Variants in NT5C3A observed in about 807,000 individuals in gnomAD.
The protein encoded by NT5C3A is 5'-nucleotidase, cytosolic IIIA.
Under a neutral mutation model 40.0 loss-of-function variants are expected in NT5C3A, and 23 were observed. The ratio of observed to expected loss-of-function variants is 0.58; its 90% CI spans 0.41 to 0.81. The LOEUF is 0.81. NT5C3A is among the 40% of genes least tolerant of loss of function. The pLI is 0.00. For missense variants in NT5C3A, 328 were observed against 403.0 expected (o/e 0.81, Z 1.59); for synonymous variants, 130 against 141.4 (o/e 0.92, Z 0.57).
chr7:33,060,692 G>A (rs1186542607), intron 1 of NT5C3A, among the ~76,000 whole-genome samples: 1 of 152,170 alleles, frequency 6.6e-6, no homozygotes, highest in Admixed American at 6.5e-5. Context: ...AGCTATGTCT[G>A]TTGGACATCA....
At chr7:33,016,054 T>A (rs919224713) in intron 7 of NT5C3A, 184 bp from the exon 8 acceptor site, 9 of 591,106 alleles carry the variant, frequency 1.5e-5, no homozygotes, top group Non-Finnish European at 2.7e-5. Context: ...CTCGGAGAAG[T>A]AAATGATTTT....
chr7:33,030,177 A>G (rs950621675), intron 1 of NT5C3A, among the ~76,000 whole-genome samples: 1 of 152,214 alleles, frequency 6.6e-6, no homozygotes, highest in Admixed American at 6.5e-5. Flanking sequence ...TTTACAATAT[A>G]GCCTAAGAAA....
At chr7:33,016,523 G>C (rs1583889343) in intron 7 of NT5C3A, among the ~76,000 whole-genome samples, 2 of 151,548 alleles carry the variant, frequency 1.3e-5, no homozygotes, top group South Asian at 4.2e-4. Flanking sequence ...ACAAAAATTA[G>C]CTGGGCTTGG....
chr7:33,031,199 C>G (rs564270643), intron 1 of NT5C3A, among the ~76,000 whole-genome samples: 1 of 151,582 alleles, frequency 6.6e-6, no homozygotes, highest in South Asian at 2.1e-4. Context: ...ATATTCCAGA[C>G]TAGGGATAAT....
At chr7:33,029,035 T>C (rs1435729297) in intron 1 of NT5C3A, among the ~76,000 whole-genome samples, 1 of 151,314 alleles carries the variant, frequency 6.6e-6, no homozygotes, top group Non-Finnish European at 1.5e-5. Flanking sequence ...AATGCTAACA[T>C]TAAAATTTTC....
intron 1 of NT5C3A, chr7:33,029,511 A>G (rs568295350): frequency 8.3e-6 from 4 of 481,206 alleles, no homozygotes; most frequent in Admixed American, 7.9e-5. Context: ...AGCAATCAGC[A>G]TATGTTTGAT....
chr7:33,020,289 A>G (rs898460792), intron 5 of NT5C3A, among the ~76,000 whole-genome samples: 2 of 151,998 alleles, frequency 1.3e-5, no homozygotes, highest in African/African-American at 2.4e-5. Context: ...ACAGAAAGAA[A>G]GAAACGAAAA....
intron 6 of NT5C3A, 38 bp downstream of exon 6, chr7:33,019,597 T>G: frequency 8.6e-7 from 1 of 1,168,886 alleles, no homozygotes; most frequent in East Asian, 2.3e-5. Flanking sequence ...AATTCAAGTC[T>G]GTGAACAATA....
chr7:33,014,683 A>G lies in NT5C3A; in HGVS notation c.*47T>C, dbSNP rs374380511. 16 of 1,605,792 alleles carry G rather than the reference A, an allele frequency of 1.0e-5. No individual in the cohort carries two copies. Among genetic ancestry groups the G allele is most frequent in the East Asian group, 6.7e-5 (3 of 44,688 alleles). On this transcript the variant is annotated 3_prime_UTR_variant, in exon 9 of 9. Coordinates refer to ENST00000610140, the MANE Select transcript of NT5C3A (RefSeq NM_001002010.5). ...CTCTCAGCAAGATGAACGGATGAACAGTTCAATTGCACCCACAGGAGAGAG... is the reference window on the plus strand; with the variant it reads ...CTCTCAGCAAGATGAACGGATGAACGGTTCAATTGCACCCACAGGAGAGAG...
At chr7:33,050,861 C>G (rs1430350860) in intron 1 of NT5C3A, among the ~76,000 whole-genome samples, 2 of 152,084 alleles carry the variant, frequency 1.3e-5, no homozygotes, top group African/African-American at 4.8e-5. Flanking sequence ...GTGCGTAACA[C>G]AAGAAAGATA....
intron 1 of NT5C3A, among the ~76,000 whole-genome samples, chr7:33,047,433 G>A (rs1345343712): frequency 6.6e-6 from 1 of 152,132 alleles, no homozygotes; most frequent in Non-Finnish European, 1.5e-5. Flanking sequence ...TGAATTAATA[G>A]TAACTAGTAG....
chr7:33,054,652 T>C (rs1476068147), intron 1 of NT5C3A, among the ~76,000 whole-genome samples: 4 of 152,232 alleles, frequency 2.6e-5, no homozygotes, highest in African/African-American at 9.6e-5. Flanking sequence ...GTTTCACATC[T>C]ACCTTATATA....
At chr7:33,021,945 G>GTT in intron 4 of NT5C3A, 108 bp downstream of exon 4, 1 of 726,640 alleles carries the variant, frequency 1.4e-6, no homozygotes, top group Non-Finnish European at 2.5e-6. Flanking sequence ...AGGTATGGCT[G>GTT]TAAGCACTTT....
chr7:33,062,021 T>C (rs1366885585), intron 1 of NT5C3A, among the ~76,000 whole-genome samples: 2 of 152,178 alleles, frequency 1.3e-5, no homozygotes, highest in African/African-American at 4.8e-5. Context: ...AAATACAAAA[T>C]AAACTATCCT....
At chr7:33,056,363 A>T (rs974443699) in intron 1 of NT5C3A, among the ~76,000 whole-genome samples, 3 of 150,862 alleles carry the variant, frequency 2.0e-5, no homozygotes, top group African/African-American at 7.3e-5. Flanking sequence ...CTGTCCAGGT[A>T]TGGTGGTTCA....
chr7:33,061,105 TG>T (rs1208751443), intron 1 of NT5C3A, among the ~76,000 whole-genome samples: 1 of 152,204 alleles, frequency 6.6e-6, no homozygotes, highest in Non-Finnish European at 1.5e-5. Flanking sequence ...CTTAGATAAG[TG>T]GTATACAGAC....
At chr7:33,046,725 A>G (rs893258933) in intron 1 of NT5C3A, among the ~76,000 whole-genome samples, 1 of 152,166 alleles carries the variant, frequency 6.6e-6, no homozygotes, top group Non-Finnish European at 1.5e-5. Context: ...ATGTAAGACA[A>G]TAACATAAAT....
chr7:33,030,058 G>T (rs1786162050), intron 1 of NT5C3A, among the ~76,000 whole-genome samples: 1 of 151,962 alleles, frequency 6.6e-6, no homozygotes, highest in Non-Finnish European at 1.5e-5. Context: ...ATCTGTCTTG[G>T]GTTATATAGT....
intron 1 of NT5C3A, among the ~76,000 whole-genome samples, chr7:33,062,155 G>A (rs553643856): frequency 9.2e-5 from 14 of 152,202 alleles, no homozygotes; most frequent in African/African-American, 4.8e-5. Context: ...TAGCGGCAAC[G>A]GTTTGACGCG....
Sources: gnomAD v4.1 joint callset for allele counts (sites outside exome capture counted in the v4.1 genomes callset) on GRCh38, gnomAD v4.1.1 for gene constraint, MANE v1.5 for transcripts, NCBI Gene and HGNC (gene_info 2026-07-23, HGNC 2026-07-21) for gene names.